PPM1E: variants seen among roughly 807,000 people sequenced by gnomAD.
PPM1E encodes the protein protein phosphatase 1E.
Under a neutral mutation model 65.9 loss-of-function variants are expected in PPM1E, and 20 were observed. The ratio of observed to expected loss-of-function variants is 0.30; its 90% CI spans 0.21 to 0.44. The LOEUF (loss-of-function observed/expected upper bound fraction) is 0.44, where lower values mean the gene tolerates loss of function less well. Ranked by LOEUF, PPM1E falls within the 20% of genes least tolerant of loss-of-function variation. The pLI is 1.00. For missense variants in PPM1E, 713 were observed against 953.1 expected (o/e 0.75, Z 3.32); for synonymous variants, 352 against 374.9 (o/e 0.94, Z 0.70).
chr17:58,821,758 G>A (rs2050482689), intron 1 of PPM1E, among the ~76,000 whole-genome samples: 1 of 152,184 alleles, frequency 6.6e-6, no homozygotes, highest in Admixed American at 6.5e-5. Flanking sequence ...GACTCCAGGG[G>A]TTGGAGAAAG....
chr17:58,798,940 C>A (rs1219901061), intron 1 of PPM1E, among the ~76,000 whole-genome samples: 1 of 152,154 alleles, frequency 6.6e-6, no homozygotes, highest in African/African-American at 2.4e-5. Context: ...AAGTAATCTG[C>A]CCGCCTCAGC....
chr17:58,901,098 A>G (rs545394979), intron 1 of PPM1E, among the ~76,000 whole-genome samples: 41 of 152,326 alleles, frequency 2.7e-4, no homozygotes, highest in Non-Finnish European at 5.1e-4. Flanking sequence ...ATGCCACAGC[A>G]TGATGCTTTA....
intron 1 of PPM1E, among the ~76,000 whole-genome samples, chr17:58,801,694 A>T (rs1488091225): frequency 6.7e-6 from 1 of 148,912 alleles, no homozygotes; most frequent in East Asian, 2.0e-4. Flanking sequence ...GTCTGCCTCA[A>T]CCTCCCAAAG....
Position 58,967,519 on chromosome 17 carries a change from T to TAG in PPM1E, c.783+1647_783+1648dup, listed in dbSNP as rs757900792. Among the ~76,000 whole-genome samples, 1,103 of 145,154 alleles carry TAG rather than the reference T, an allele frequency of 7.6e-3. 8 individuals carry two copies. Among genetic ancestry groups the TAG allele is most frequent in the East Asian group, 0.03 (151 of 5,070 alleles). On this transcript the variant is annotated intron_variant, in intron 3 of 6. Transcript: ENST00000308249. The stretch of plus-strand genomic sequence containing the variant: ...ATATATATGTGTATATATATATATA[T>TAG]AGAGAGAGAGAGAGAGAGAGAGGGA...
intron 1 of PPM1E, among the ~76,000 whole-genome samples, chr17:58,952,533 G>T (rs1360529560): frequency 6.6e-6 from 1 of 152,210 alleles, no homozygotes; most frequent in Non-Finnish European, 1.5e-5. Flanking sequence ...GCATGGGAAT[G>T]TTACTGCTTG....
At chr17:58,800,136 A>C (rs2050245247) in intron 1 of PPM1E, among the ~76,000 whole-genome samples, 1 of 152,144 alleles carries the variant, frequency 6.6e-6, no homozygotes, top group Non-Finnish European at 1.5e-5. Flanking sequence ...ATGGATGTTG[A>C]ACTTTGTCAA....
chr17:58,959,775 T>C (rs745384190), intron 2 of PPM1E, among the ~76,000 whole-genome samples: 15 of 152,066 alleles, frequency 9.9e-5, no homozygotes, highest in South Asian at 2.1e-4. Context: ...CTACTATATA[T>C]GTATAATACT....
chr17:58,891,318 T>TTTATTA (rs925755945), intron 1 of PPM1E, among the ~76,000 whole-genome samples: 23 of 151,574 alleles, frequency 1.5e-4, no homozygotes, highest in Admixed American at 7.2e-4. Context: ...TGCAAATGGA[T>TTTATTA]TTATTATTAT....
At chr17:58,874,778 C>T (rs1378291010) in intron 1 of PPM1E, among the ~76,000 whole-genome samples, 1 of 152,112 alleles carries the variant, frequency 6.6e-6, no homozygotes, top group East Asian at 1.9e-4. Context: ...CTGGAAACTC[C>T]TCACATTGCA....
intron 1 of PPM1E, among the ~76,000 whole-genome samples, chr17:58,841,616 C>T (rs1262308547): frequency 6.6e-6 from 1 of 151,604 alleles, no homozygotes; most frequent in Non-Finnish European, 1.5e-5. Flanking sequence ...GCCTCCACCT[C>T]CCAGGTTCAA....
At chr17:58,958,408 G>T (rs979330943) in intron 2 of PPM1E, among the ~76,000 whole-genome samples, 2 of 151,534 alleles carry the variant, frequency 1.3e-5, no homozygotes, top group Admixed American at 6.6e-5. Flanking sequence ...ACAGGGTCTC[G>T]CTATGTTGCC....
intron 1 of PPM1E, among the ~76,000 whole-genome samples, chr17:58,789,789 C>G: frequency 6.6e-6 from 1 of 150,604 alleles, no homozygotes; most frequent in East Asian, 1.9e-4. Context: ...CTATTATTAC[C>G]TTTTGATGTG....
intron 1 of PPM1E, among the ~76,000 whole-genome samples, chr17:58,783,603 G>A (rs1018315370): frequency 2.6e-5 from 4 of 152,196 alleles, no homozygotes; most frequent in Non-Finnish European, 4.4e-5. Flanking sequence ...AGCCATAAAA[G>A]CAGCTCTGGG....
At chr17:58,821,362 G>A (rs1194688388) in intron 1 of PPM1E, among the ~76,000 whole-genome samples, 15 of 152,102 alleles carry the variant, frequency 9.9e-5, no homozygotes, top group Admixed American at 2.6e-4. Context: ...CGCCCGTCTC[G>A]GCCTCCCAAA....
At chr17:58,886,045 G>T (rs1186513413) in intron 1 of PPM1E, among the ~76,000 whole-genome samples, 1 of 152,118 alleles carries the variant, frequency 6.6e-6, no homozygotes, top group African/African-American at 2.4e-5. Context: ...AATTTCCTGA[G>T]ATTATAGCTT....
At chr17:58,860,435 A>G (rs2050927452) in intron 1 of PPM1E, among the ~76,000 whole-genome samples, 1 of 152,142 alleles carries the variant, frequency 6.6e-6, no homozygotes, top group Non-Finnish European at 1.5e-5. Flanking sequence ...CCTTATTTCT[A>G]ATGGCAAAGG....
chr17:58,958,428 C>T (rs938012172), intron 2 of PPM1E, among the ~76,000 whole-genome samples: 10 of 151,788 alleles, frequency 6.6e-5, no homozygotes, highest in Admixed American at 1.3e-4. Flanking sequence ...CTAGGCTGGT[C>T]TTGAACTCCT....
chr17:58,967,945 A>T (rs1028464882), intron 3 of PPM1E, among the ~76,000 whole-genome samples: 1 of 152,056 alleles, frequency 6.6e-6, no homozygotes. Flanking sequence ...CTGGGAGTAC[A>T]GGCGCGTGCC....
At chr17:58,952,272 G>A (rs1293683628) in intron 1 of PPM1E, among the ~76,000 whole-genome samples, 1 of 152,200 alleles carries the variant, frequency 6.6e-6, no homozygotes, top group Non-Finnish European at 1.5e-5. Flanking sequence ...AGCTTGCTGA[G>A]GCTGTGGCCA....
Sources: allele counts gnomAD v4.1 joint callset (sites outside exome capture counted in the v4.1 genomes callset), GRCh38; gene constraint gnomAD v4.1.1; transcripts MANE v1.5; gene names NCBI Gene and HGNC (gene_info 2026-07-23, HGNC 2026-07-21).